The following TMEM232 variants were observed in gnomAD, a reference collection of about 807,000 sequenced individuals.
The protein encoded by TMEM232 is transmembrane protein 232.
TMEM232 carries 80 observed loss-of-function variants against 78.8 expected under a neutral mutation model. That is an observed-to-expected ratio of 1.01 (90% CI 0.85 to 1.22). The LOEUF is 1.22. Among genes scored for constraint, TMEM232 ranks in the 50% most tolerant of loss-of-function variants. The pLI is 0.00. For synonymous variants in TMEM232, 297 were observed against 254.3 expected, an observed-to-expected ratio of 1.17 and a Z score of -1.60; for missense variants, 881 against 742.2, an observed-to-expected ratio of 1.19 and a Z score of -2.17.
At chr5:110,424,059 A>G (rs558485437) in intron 13 of TMEM232, among the ~76,000 whole-genome samples, 1 of 152,238 alleles carries the variant, frequency 6.6e-6, no homozygotes, top group Admixed American at 6.5e-5. Flanking sequence ...AGCTGTTGCT[A>G]GAGTGGCTTA....
chr5:110,473,004 T>C (rs572570584), intron 12 of TMEM232, among the ~76,000 whole-genome samples: 11 of 151,714 alleles, frequency 7.3e-5, no homozygotes, highest in African/African-American at 2.4e-4. Context: ...CTATATAATA[T>C]TGGTCTGGGC....
At chr5:110,647,131 A>T (rs1047282848) in intron 2 of TMEM232, among the ~76,000 whole-genome samples, 3 of 151,920 alleles carry the variant, frequency 2.0e-5, no homozygotes, top group African/African-American at 7.2e-5. Context: ...GTGTGCAAGC[A>T]TTGTATGTGT....
intron 2 of TMEM232, among the ~76,000 whole-genome samples, chr5:110,647,923 T>C (rs1787740396): frequency 6.6e-6 from 1 of 152,042 alleles, no homozygotes; most frequent in Non-Finnish European, 1.5e-5. Flanking sequence ...AATACATTTA[T>C]ACATATCATT....
chr5:110,664,344 A>G (rs2150117836), intron 2 of TMEM232, among the ~76,000 whole-genome samples: 1 of 152,330 alleles, frequency 6.6e-6, no homozygotes, highest in African/African-American at 2.4e-5. Flanking sequence ...TGTAGCATTG[A>G]TTTTTTAAAA....
At chr5:110,405,671 G>T (rs970084075) in intron 2 of TMEM232, among the ~76,000 whole-genome samples, 31 of 144,152 alleles carry the variant, frequency 2.2e-4, no homozygotes, top group Admixed American at 5.5e-4. Context: ...AATTGTAAAA[G>T]AAAGATTCAA....
intron 2 of TMEM232, among the ~76,000 whole-genome samples, chr5:110,659,299 G>A (rs1361120431): frequency 6.6e-6 from 1 of 152,036 alleles, no homozygotes; most frequent in Non-Finnish European, 1.5e-5. Flanking sequence ...GGCTACCTTG[G>A]TGTCCAGCAG....
chr5:110,514,537 T>C (rs904487440), intron 12 of TMEM232, among the ~76,000 whole-genome samples: 4 of 152,086 alleles, frequency 2.6e-5, no homozygotes, highest in African/African-American at 7.2e-5. Context: ...GAGCAATGTA[T>C]AGCTTTTTAA....
At chr5:110,678,866 T>C (rs548349885) in intron 1 of TMEM232, among the ~76,000 whole-genome samples, 1 of 152,302 alleles carries the variant, frequency 6.6e-6, no homozygotes, top group East Asian at 1.9e-4. Flanking sequence ...AGCATATTCA[T>C]TTTTAGTGTT....
intron 4 of TMEM232, among the ~76,000 whole-genome samples, chr5:110,388,822 G>T (rs1260990108): frequency 6.6e-6 from 1 of 152,196 alleles, no homozygotes; most frequent in Non-Finnish European, 1.5e-5. Context: ...GGTGGGGGCA[G>T]GCAGAGGCAG....
At chr5:110,638,821 A>G (rs548624772) in intron 4 of TMEM232, among the ~76,000 whole-genome samples, 1 of 152,136 alleles carries the variant, frequency 6.6e-6, no homozygotes, top group Non-Finnish European at 1.5e-5. Flanking sequence ...TAAATAAATC[A>G]CCAGGCCACA....
At chr5:110,393,129 T>C (rs1292050132) in intron 3 of TMEM232, among the ~76,000 whole-genome samples, 1 of 152,202 alleles carries the variant, frequency 6.6e-6, no homozygotes, top group Admixed American at 6.5e-5. Flanking sequence ...CACTTGTGTA[T>C]TCTGCTGTAA....
At chr5:110,706,697 T>C (rs965654923) in intron 1 of TMEM232, among the ~76,000 whole-genome samples, 5 of 152,144 alleles carry the variant, frequency 3.3e-5, no homozygotes, top group African/African-American at 9.7e-5. Flanking sequence ...ATCTCAGCAA[T>C]ACTGCAGACA....
At chr5:110,444,152 A>G (rs1193071956) in intron 12 of TMEM232, among the ~76,000 whole-genome samples, 1 of 152,074 alleles carries the variant, frequency 6.6e-6, no homozygotes, top group African/African-American at 2.4e-5. Context: ...CAGAACAAGG[A>G]GATACCTAGG....
At chr5:110,445,499 G>T (rs1018158655) in intron 12 of TMEM232, among the ~76,000 whole-genome samples, 1 of 152,116 alleles carries the variant, frequency 6.6e-6, no homozygotes, top group Non-Finnish European at 1.5e-5. Context: ...GGTTTCTGGG[G>T]CATGTTGAAT....
At chr5:110,468,630 A>G in intron 12 of TMEM232, among the ~76,000 whole-genome samples, 1 of 152,244 alleles carries the variant, frequency 6.6e-6, no homozygotes, top group East Asian at 1.9e-4. Flanking sequence ...TATAAGTATA[A>G]CCCCAGGAAA....
chr5:110,713,123 T>C (rs918805629), intron 1 of TMEM232, among the ~76,000 whole-genome samples: 4 of 151,808 alleles, frequency 2.6e-5, no homozygotes, highest in South Asian at 2.1e-4. Context: ...ATAGTCATTA[T>C]GTTAAGAGAA....
chr5:110,454,903 C>T (rs918637982), intron 12 of TMEM232, among the ~76,000 whole-genome samples: 2 of 116,436 alleles, frequency 1.7e-5, no homozygotes, highest in Admixed American at 9.4e-5. Context: ...CCTTGTTCTT[C>T]GTAAAGATTA....
At chr5:110,479,427 A>T (rs1763617789) in intron 12 of TMEM232, among the ~76,000 whole-genome samples, 1 of 151,842 alleles carries the variant, frequency 6.6e-6, no homozygotes, top group Non-Finnish European at 1.5e-5. Flanking sequence ...CCAAAATAAC[A>T]GAAAGCCCTT....
rs1581243728 is a variant in TMEM232, at chr5:110,568,752, G to T, written c.1277-127C>A. 12 of 979,276 alleles carry T rather than the reference G, an allele frequency of 1.2e-5. No individual in the cohort carries two copies. In the East Asian group the frequency reaches 3.3e-4, roughly 27 times the overall value. The allele number at this position is 979,276 out of a possible 1,614,324, so 60.7% of individuals were successfully genotyped here. ...AATATTCTAAAGTCTGAAATTCTAA[G>T]CTGTGGAAATTTCTGACCCTTCACT... On this transcript the variant is annotated intron_variant, in intron 10 of 13. Transcript: ENST00000455884.
Sources: allele counts gnomAD v4.1 joint callset (sites outside exome capture counted in the v4.1 genomes callset), GRCh38; gene constraint gnomAD v4.1.1; transcripts MANE v1.5; gene names NCBI Gene and HGNC (gene_info 2026-07-23, HGNC 2026-07-21).